The following ADAMTSL1 variants were observed in gnomAD, a reference collection of about 807,000 sequenced individuals.
ADAMTSL1 encodes the protein ADAMTS like 1.
Under a neutral mutation model 201.8 loss-of-function variants are expected in ADAMTSL1, and 126 were observed. The ratio of observed to expected loss-of-function variants is 0.62; its 90% CI spans 0.54 to 0.72. ADAMTSL1 has a LOEUF of 0.72. ADAMTSL1 is among the 30% of genes least tolerant of loss of function. The pLI, the probability that ADAMTSL1 is intolerant of heterozygous loss-of-function variation, is 0.00. For missense variants in ADAMTSL1, 2,679 were observed against 2,277.8 expected (o/e 1.18, Z -3.59); for synonymous variants, 1,121 against 903.4 (o/e 1.24, Z -4.32).
chr9:18,197,674 CT>C (rs913593430), intron 2 of ADAMTSL1, among the ~76,000 whole-genome samples: 8 of 149,860 alleles, frequency 5.3e-5, no homozygotes, highest in African/African-American at 2.0e-4. Context: ...CCTTTATTTC[CT>C]TCTCCTGCCT....
chr9:18,575,790 TG>T (rs1822677929), intron 4 of ADAMTSL1, among the ~76,000 whole-genome samples: 1 of 152,182 alleles, frequency 6.6e-6, no homozygotes, highest in African/African-American at 2.4e-5. Context: ...ATGCCAGAAA[TG>T]GGACTAAATT....
intron 2 of ADAMTSL1, among the ~76,000 whole-genome samples, chr9:18,346,587 A>C (rs985059106): frequency 6.6e-6 from 1 of 152,186 alleles, no homozygotes; most frequent in African/African-American, 2.4e-5. Context: ...AATGATAGCT[A>C]CTGTTACTCC....
intron 16 of ADAMTSL1, among the ~76,000 whole-genome samples, chr9:18,762,466 A>G (rs1820128794): frequency 6.6e-6 from 1 of 152,180 alleles, no homozygotes; most frequent in African/African-American, 2.4e-5. Flanking sequence ...AGAATGGGGC[A>G]TCCATCCCTT....
At chr9:18,801,710 A>G (rs908019661) in intron 20 of ADAMTSL1, among the ~76,000 whole-genome samples, 1 of 152,100 alleles carries the variant, frequency 6.6e-6, no homozygotes, top group African/African-American at 2.4e-5. Flanking sequence ...GTTCCTTTTT[A>G]TGGCTGCATA....
At position 18,076,959 on chromosome 9, in the gene ADAMTSL1, C is replaced by T. The variant is rs556041194; in HGVS notation, c.88-86903C>T. Among the ~76,000 whole-genome samples the T allele has an allele frequency of 7.9e-5, 12 of 152,166 alleles. No homozygotes were observed. The South Asian group carries it at 1.2e-3, about 16-fold the overall frequency. On this transcript the variant is annotated intron_variant, in intron 1 of 29. Transcript: ENST00000680146. ...GATTGAATGTATACTTGGAATTACA[C>T]GCTGTTAGATGGCTACGGAAGATAA... is the stretch of plus-strand genomic sequence containing the variant.
intron 20 of ADAMTSL1, among the ~76,000 whole-genome samples, chr9:18,799,423 G>A (rs1208983604): frequency 6.6e-6 from 1 of 152,184 alleles, no homozygotes; most frequent in African/African-American, 2.4e-5. Context: ...ACTTTTGAAG[G>A]AAAGGAAGTA....
At chr9:18,675,814 G>C (rs374305509) in intron 9 of ADAMTSL1, 43 bp from the exon 10 acceptor site, 121 of 1,567,822 alleles carry the variant, frequency 7.7e-5, no homozygotes, top group Non-Finnish European at 1.3e-5. Context: ...ATTTTATTGT[G>C]TGTACCTTCT....
At chr9:18,221,062 G>A (rs190032767) in intron 2 of ADAMTSL1, among the ~76,000 whole-genome samples, 25 of 152,082 alleles carry the variant, frequency 1.6e-4, no homozygotes, top group East Asian at 3.9e-4. Context: ...GACATGAGTC[G>A]CCATGCCCAG....
intron 7 of ADAMTSL1, among the ~76,000 whole-genome samples, chr9:18,650,799 G>C (rs1470861173): frequency 1.3e-5 from 2 of 152,128 alleles, no homozygotes; most frequent in Non-Finnish European, 2.9e-5. Flanking sequence ...GTCAATGCCA[G>C]TTTAGTGTGG....
chr9:18,006,676 G>A (rs1819842244), intron 1 of ADAMTSL1, among the ~76,000 whole-genome samples: 1 of 151,936 alleles, frequency 6.6e-6, no homozygotes, highest in Non-Finnish European at 1.5e-5. Context: ...GGATGGATTT[G>A]ATTGATTTGA....
chr9:18,255,060 T>G (rs1367078105), intron 2 of ADAMTSL1, among the ~76,000 whole-genome samples: 1 of 152,224 alleles, frequency 6.6e-6, no homozygotes, highest in Non-Finnish European at 1.5e-5. Flanking sequence ...AATGTTTGAG[T>G]GAAAGTTTCT....
At chr9:18,734,623 G>A (rs2133502734) in intron 15 of ADAMTSL1, among the ~76,000 whole-genome samples, 1 of 152,340 alleles carries the variant, frequency 6.6e-6, no homozygotes, top group East Asian at 1.9e-4. Flanking sequence ...TAACAGTCAT[G>A]TTAGAGATAT....
At chr9:18,340,138 G>A (rs1156535035) in intron 2 of ADAMTSL1, among the ~76,000 whole-genome samples, 1 of 152,168 alleles carries the variant, frequency 6.6e-6, no homozygotes, top group East Asian at 1.9e-4. Context: ...TGGGAAATCT[G>A]GGGCTTCCCC....
chr9:18,292,116 C>G (rs1013720427), intron 2 of ADAMTSL1, among the ~76,000 whole-genome samples: 15 of 152,116 alleles, frequency 9.9e-5, no homozygotes, highest in African/African-American at 3.6e-4. Context: ...CTGAAACTAC[C>G]TAAGTCATGA....
At chr9:18,382,719 G>T (rs1010213982) in intron 2 of ADAMTSL1, among the ~76,000 whole-genome samples, 4 of 152,062 alleles carry the variant, frequency 2.6e-5, no homozygotes, top group African/African-American at 9.7e-5. Context: ...CATTATGAAC[G>T]ACATCACAGT....
At chr9:18,202,356 AG>A (rs1264349945) in intron 2 of ADAMTSL1, among the ~76,000 whole-genome samples, 2 of 152,232 alleles carry the variant, frequency 1.3e-5, no homozygotes, top group Admixed American at 1.3e-4. Context: ...AAAAACCAAA[AG>A]TATTATTTGA....
At chr9:18,542,972 A>G (rs1820241342) in intron 3 of ADAMTSL1, among the ~76,000 whole-genome samples, 1 of 152,210 alleles carries the variant, frequency 6.6e-6, no homozygotes, top group African/African-American at 2.4e-5. Context: ...GCAGAACTGC[A>G]GGCTTATAAT....
intron 1 of ADAMTSL1, among the ~76,000 whole-genome samples, chr9:18,059,712 A>G (rs1359773260): frequency 6.6e-6 from 1 of 152,094 alleles, no homozygotes; most frequent in Non-Finnish European, 1.5e-5. Flanking sequence ...TTACCCGGGA[A>G]TGTTTGTGTA....
At chr9:17,915,007 G>A (rs988134699) in intron 1 of ADAMTSL1, among the ~76,000 whole-genome samples, 7 of 151,846 alleles carry the variant, frequency 4.6e-5, no homozygotes, top group Non-Finnish European at 2.9e-5. Flanking sequence ...ATTTTGCATT[G>A]TTAAAAATGC....
Sources: allele counts gnomAD v4.1 joint callset (sites outside exome capture counted in the v4.1 genomes callset), GRCh38; gene constraint gnomAD v4.1.1; transcripts MANE v1.5; gene names NCBI Gene and HGNC (gene_info 2026-07-23, HGNC 2026-07-21).